Variants in MOSMO observed in about 807,000 individuals in gnomAD.
The protein encoded by MOSMO is modulator of smoothened.
In MOSMO, 5 loss-of-function variants were observed where a neutral mutation model predicts 18.4. The observed-to-expected ratio is 0.27, with a 90% CI of 0.14 to 0.57. MOSMO has a LOEUF of 0.57. Ranked by LOEUF, MOSMO falls within the 20% of genes least tolerant of loss-of-function variation. The pLI, the probability that MOSMO is intolerant of heterozygous loss-of-function variation, is 0.92. For synonymous variants in MOSMO, 82 were observed against 82.3 expected (o/e 1.00, Z 0.02); for missense variants, 138 against 211.8 (o/e 0.65, Z 2.16).
At chr16:22,059,800 G>A (rs1387619148) in intron 1 of MOSMO, among the ~76,000 whole-genome samples, 3 of 152,176 alleles carry the variant, frequency 2.0e-5, no homozygotes, top group African/African-American at 7.2e-5. Flanking sequence ...TTCAAGATGA[G>A]ATTTTGGGAG....
intron 1 of MOSMO, among the ~76,000 whole-genome samples, chr16:22,032,188 C>CTTT (rs1323183775): frequency 3.8e-5 from 5 of 132,678 alleles, no homozygotes; most frequent in South Asian, 2.4e-4. Flanking sequence ...CTACCCTTTT[C>CTTT]TTTTTTTTTT....
rs1245055295 is a variant in MOSMO, at chr16:22,083,051, T to C, written c.*2171T>C. The C allele has an allele frequency of 4.6e-5, 7 of 152,380 alleles. No homozygotes were observed. The East Asian group carries it at 9.6e-4, about 21-fold the overall frequency. 9.4% of individuals were successfully genotyped at this position (152,380 alleles called of 1,614,324 possible). A position where few individuals can be genotyped will look rare whatever the true frequency, so the allele number is the denominator to read the frequency against. On this transcript the variant is annotated 3_prime_UTR_variant, in exon 3 of 3. Transcript: ENST00000542527. ...AGGAAAGCTTTGGTTGTCACCGTTA[T>C]ATACCACTGAGATAAAGTGTTAGCA...
chr16:22,085,478 G>A (rs2141794346), downstream of MOSMO, among the ~76,000 whole-genome samples: 1 of 152,268 alleles, frequency 6.6e-6, no homozygotes, highest in Admixed American at 6.5e-5. Flanking sequence ...TTAATGAATA[G>A]GTCAATTGGA....
chr16:22,090,244 G>A (rs1204421770), downstream of MOSMO: 1 of 152,206 alleles, frequency 6.6e-6, no homozygotes, highest in African/African-American at 2.4e-5. Flanking sequence ...CTAGAAGAAA[G>A]GAAGCTGAGA....
intron 1 of MOSMO, among the ~76,000 whole-genome samples, chr16:22,030,338 G>A (rs753666215): frequency 5.3e-5 from 8 of 152,088 alleles, no homozygotes; most frequent in South Asian, 2.1e-4. Context: ...AATCAAAACC[G>A]TATTTTCCAA....
At chr16:22,070,491 AACTGTAAGGATGGGTG>A (rs1900826977) in intron 1 of MOSMO, among the ~76,000 whole-genome samples, 3 of 152,008 alleles carry the variant, frequency 2.0e-5, no homozygotes, top group African/African-American at 7.3e-5. Flanking sequence ...GACTGGGAGA[AACTGTAAGGATGGGTG>A]ACTGTAAACT....
intron 1 of MOSMO, among the ~76,000 whole-genome samples, chr16:22,028,913 C>T (rs1899936826): frequency 6.6e-6 from 1 of 152,014 alleles, no homozygotes; most frequent in African/African-American, 2.4e-5. Context: ...CTCTTGTTGC[C>T]CAGGCTGGAG....
At chr16:22,028,680 A>G (rs914731870) in intron 1 of MOSMO, among the ~76,000 whole-genome samples, 1 of 152,116 alleles carries the variant, frequency 6.6e-6, no homozygotes, top group Non-Finnish European at 1.5e-5. Flanking sequence ...AGGAATTATT[A>G]TATGTAATCT....
intron 1 of MOSMO, among the ~76,000 whole-genome samples, chr16:22,062,850 G>A (rs1056033705): frequency 2.6e-5 from 4 of 151,870 alleles, no homozygotes; most frequent in African/African-American, 9.7e-5. Flanking sequence ...GGTAGACCTG[G>A]ATTTCGGTCT....
chr16:22,028,884 A>AT (rs1567502742), intron 1 of MOSMO, among the ~76,000 whole-genome samples: 1 of 151,966 alleles, frequency 6.6e-6, no homozygotes, highest in Non-Finnish European at 1.5e-5. Context: ...TTGTTTATTT[A>AT]TTTTGAGATG....
At chr16:22,085,811 G>C (rs933172391), downstream of MOSMO, 1 of 152,006 alleles carries the variant, frequency 6.6e-6, no homozygotes, top group African/African-American at 2.4e-5. Context: ...TAAGAGTTTT[G>C]GTTCTTTTCC....
At chr16:22,017,453 CT>C (rs978597537) in intron 1 of MOSMO, among the ~76,000 whole-genome samples, 2 of 152,092 alleles carry the variant, frequency 1.3e-5, no homozygotes. Context: ...GAAGCTACAC[CT>C]TTTTTTCCAA....
intron 1 of MOSMO, among the ~76,000 whole-genome samples, chr16:22,051,653 G>T (rs1900429770): frequency 6.6e-6 from 1 of 152,004 alleles, no homozygotes; most frequent in Non-Finnish European, 1.5e-5. Context: ...AAATCAATAA[G>T]CATAAGTGAT....
rs562988008 is a variant in MOSMO at position 22,080,480 on chromosome 16, C to A, written c.320-216C>A. 3.3e-5 allele frequency among the ~76,000 whole-genome samples: 5 copies of A among 152,218 alleles called. No homozygotes were observed. In the East Asian group the frequency reaches 9.6e-4, roughly 29 times the overall value. ...TCTTAATCCTGATATTCAGAATTGT[C>A]CTAAAACTTACATAAAAGCCTAACC... On this transcript the variant is annotated intron_variant, in intron 2 of 2. Transcript: ENST00000542527.
chr16:22,062,066 T>C (rs1208118979), intron 1 of MOSMO, among the ~76,000 whole-genome samples: 3 of 152,156 alleles, frequency 2.0e-5, no homozygotes, highest in Non-Finnish European at 4.4e-5. Flanking sequence ...AGAGAAACAC[T>C]TGTCTCAGTG....
At chr16:22,072,877 CT>C (rs1247190707) in intron 1 of MOSMO, among the ~76,000 whole-genome samples, 1 of 151,204 alleles carries the variant, frequency 6.6e-6, no homozygotes, top group East Asian at 1.9e-4. Flanking sequence ...TTAGCATTAG[CT>C]TTTTTTCTTC....
intron 1 of MOSMO, among the ~76,000 whole-genome samples, chr16:22,022,036 C>G (rs1412723405): frequency 6.6e-6 from 1 of 152,136 alleles, no homozygotes; most frequent in Non-Finnish European, 1.5e-5. Flanking sequence ...TGTGGTTAAG[C>G]AACTAAATGG....
intron 1 of MOSMO, among the ~76,000 whole-genome samples, chr16:22,020,660 C>T (rs893413516): frequency 3.3e-5 from 5 of 152,184 alleles, no homozygotes; most frequent in Admixed American, 1.3e-4. Flanking sequence ...TGGGTCAATA[C>T]GGAAGTTAGA....
At chr16:22,067,786 G>A (rs1285312860) in intron 1 of MOSMO, among the ~76,000 whole-genome samples, 1 of 152,144 alleles carries the variant, frequency 6.6e-6, no homozygotes, top group Non-Finnish European at 1.5e-5. Context: ...GGCTGAGGTA[G>A]GAGGATCGCT....
Sources: gnomAD v4.1 joint callset for allele counts (sites outside exome capture counted in the v4.1 genomes callset) on GRCh38, gnomAD v4.1.1 for gene constraint, MANE v1.5 for transcripts, NCBI Gene and HGNC (gene_info 2026-07-23, HGNC 2026-07-21) for gene names.